The following ROBO2 variants were observed in gnomAD, a reference collection of about 807,000 sequenced individuals.
The protein encoded by ROBO2 is roundabout homolog 2.
ROBO2 carries 53 observed loss-of-function variants against 160.8 expected under a neutral mutation model. That is an observed-to-expected ratio of 0.33 (90% CI 0.26 to 0.41). The LOEUF (loss-of-function observed/expected upper bound fraction) is 0.41. Ranked by LOEUF, ROBO2 falls within the 10% of genes least tolerant of loss-of-function variation. The pLI is 1.00. For missense variants in ROBO2, 1,577 were observed against 1,722.4 expected (o/e 0.92, Z 1.49); for synonymous variants, 664 against 611.7 (o/e 1.09, Z -1.26).
chr3:76,961,417 T>C (rs1417849045), intron 2 of ROBO2, among the ~76,000 whole-genome samples: 3 of 152,156 alleles, frequency 2.0e-5, no homozygotes, highest in African/African-American at 7.2e-5. Context: ...CTACTTTTTG[T>C]GGATCTAAGA....
intron 1 of ROBO2, among the ~76,000 whole-genome samples, chr3:77,055,456 A>G (rs1176668505): frequency 6.6e-6 from 1 of 152,202 alleles, no homozygotes; most frequent in African/African-American, 2.4e-5. Context: ...TGAGGAGTTT[A>G]TCATAGAAAT....
intron 11 of ROBO2, among the ~76,000 whole-genome samples, chr3:77,564,296 A>C (rs1478374762): frequency 6.6e-6 from 1 of 152,146 alleles, no homozygotes; most frequent in Non-Finnish European, 1.5e-5. Flanking sequence ...AATGGCATCC[A>C]TCTGTGGCTG....
At chr3:76,205,934 C>T (rs1261239300) in intron 2 of ROBO2, among the ~76,000 whole-genome samples, 3 of 152,258 alleles carry the variant, frequency 2.0e-5, no homozygotes, top group Non-Finnish European at 4.4e-5. Flanking sequence ...GACTCAAACT[C>T]GAACTGTTCA....
chr3:76,656,229 A>G (rs895762394), intron 2 of ROBO2, among the ~76,000 whole-genome samples: 2 of 152,318 alleles, frequency 1.3e-5, no homozygotes, highest in South Asian at 2.1e-4. Context: ...AAAACTCCAC[A>G]GTACCTGTCA....
At chr3:76,844,642 T>C (rs1198521489) in intron 2 of ROBO2, among the ~76,000 whole-genome samples, 1 of 151,942 alleles carries the variant, frequency 6.6e-6, no homozygotes, top group African/African-American at 2.4e-5. Flanking sequence ...AATTTAAGGG[T>C]TCTCTTTAAA....
chr3:76,167,858 CT>C (rs923889671), intron 2 of ROBO2, among the ~76,000 whole-genome samples: 1 of 152,118 alleles, frequency 6.6e-6, no homozygotes, highest in Non-Finnish European at 1.5e-5. Flanking sequence ...TTTCTGTTCA[CT>C]TTTTGCTGGT....
chr3:76,821,625 G>T lies in ROBO2; in HGVS notation c.110-276389G>T, dbSNP rs186990947. On this transcript the variant is annotated intron_variant, in intron 2 of 26. Transcript: ENST00000487694. ...ATTTGTGTGCTTGGGACCATGCCTGGCATGTAACAAATGCCCCATAAACAT... is the reference window on the plus strand; with the variant it reads ...ATTTGTGTGCTTGGGACCATGCCTGTCATGTAACAAATGCCCCATAAACAT... 3.9e-5 allele frequency among the ~76,000 whole-genome samples: 6 copies of T among 151,994 alleles called. 1 individual carries two copies. The highest frequency in any genetic ancestry group is 1.4e-4 in the African/African-American group (6 of 41,526).
At chr3:77,432,096 G>A (rs2153542580) in intron 2 of ROBO2, among the ~76,000 whole-genome samples, 1 of 152,204 alleles carries the variant, frequency 6.6e-6, no homozygotes, top group East Asian at 1.9e-4. Flanking sequence ...AGCTTTTTTA[G>A]CAATTTGGAA....
chr3:77,631,028 TG>T (rs2095150879), intron 23 of ROBO2: 1 of 151,224 alleles, frequency 6.6e-6, no homozygotes, highest in Admixed American at 6.7e-5. Context: ...TTTGGATCGT[TG>T]GTCCTTGACT....
chr3:76,509,903 C>T (rs1007496965), intron 2 of ROBO2, among the ~76,000 whole-genome samples: 1 of 151,638 alleles, frequency 6.6e-6, no homozygotes, highest in Non-Finnish European at 1.5e-5. Context: ...CACCTGACCT[C>T]ATGTGATGGG....
intron 2 of ROBO2, among the ~76,000 whole-genome samples, chr3:77,449,346 A>G (rs2080890009): frequency 6.6e-6 from 1 of 152,150 alleles, no homozygotes; most frequent in Non-Finnish European, 1.5e-5. Context: ...AAATTTTTAA[A>G]TATGCGTATG....
chr3:76,325,716 TA>T (rs71277583), intron 2 of ROBO2, among the ~76,000 whole-genome samples: 31 of 145,238 alleles, frequency 2.1e-4, no homozygotes, highest in East Asian at 1.0e-3. Context: ...AAGGCCAAAT[TA>T]AAAAAAAAAA....
chr3:77,596,795 C>CTTTT, intron 19 of ROBO2, 45 bp downstream of exon 20: 1 of 1,412,932 alleles, frequency 7.1e-7, no homozygotes, highest in Middle Eastern at 2.0e-4. Context: ...TTCTCTCTCT[C>CTTTT]TTTTTTTTTT....
intron 2 of ROBO2, among the ~76,000 whole-genome samples, chr3:76,571,949 C>T (rs2084982949): frequency 6.6e-6 from 1 of 152,040 alleles, no homozygotes; most frequent in Admixed American, 6.6e-5. Context: ...CAAGTTCAGC[C>T]TGGATATCAT....
intron 2 of ROBO2, among the ~76,000 whole-genome samples, chr3:76,048,542 A>G (rs893425538): frequency 6.6e-6 from 1 of 152,196 alleles, no homozygotes; most frequent in African/African-American, 2.4e-5. Context: ...GATCATATGA[A>G]TGATAATTTA....
intron 2 of ROBO2, among the ~76,000 whole-genome samples, chr3:76,326,321 A>G (rs960922332): frequency 1.3e-5 from 2 of 152,158 alleles, no homozygotes; most frequent in Non-Finnish European, 2.9e-5. Flanking sequence ...CTTTAGTTCT[A>G]CACTCTAAGA....
intron 2 of ROBO2, among the ~76,000 whole-genome samples, chr3:76,986,222 T>C (rs1033356538): frequency 9.9e-5 from 15 of 152,198 alleles, no homozygotes; most frequent in Non-Finnish European, 1.9e-4. Flanking sequence ...ATAGTACGCA[T>C]TGATCGATAC....
At chr3:76,031,158 G>C (rs1195225745) in intron 2 of ROBO2, among the ~76,000 whole-genome samples, 1 of 151,954 alleles carries the variant, frequency 6.6e-6, no homozygotes, top group Non-Finnish European at 1.5e-5. Flanking sequence ...TCATGATTTG[G>C]CTCTCTGTTT....
chr3:76,381,321 A>G (rs2076609685), intron 2 of ROBO2, among the ~76,000 whole-genome samples: 1 of 152,000 alleles, frequency 6.6e-6, no homozygotes, highest in African/African-American at 2.4e-5. Context: ...AATATGCATA[A>G]CAAGAATGTT....
Sources: allele counts gnomAD v4.1 joint callset (sites outside exome capture counted in the v4.1 genomes callset), GRCh38; gene constraint gnomAD v4.1.1; transcripts MANE v1.5; gene names NCBI Gene and HGNC (gene_info 2026-07-23, HGNC 2026-07-21).